The following UBASH3B variants were observed in gnomAD, a reference collection of about 807,000 sequenced individuals.
UBASH3B encodes the protein ubiquitin-associated and SH3 domain-containing protein B.
A neutral mutation model predicts 83.4 loss-of-function variants in UBASH3B; 37 were observed. That is an observed-to-expected ratio of 0.44 (90% CI 0.34 to 0.58). UBASH3B has a LOEUF of 0.58. UBASH3B is among the 20% of genes least tolerant of loss of function. The pLI, the probability that UBASH3B is intolerant of heterozygous loss-of-function variation, is 0.01. For missense variants in UBASH3B, 657 were observed against 827.2 expected (o/e 0.79, Z 2.52); for synonymous variants, 304 against 318.3 (o/e 0.96, Z 0.48).
chr11:122,660,597 G>A (rs1863426217), intron 1 of UBASH3B, among the ~76,000 whole-genome samples: 1 of 152,186 alleles, frequency 6.6e-6, no homozygotes, highest in Non-Finnish European at 1.5e-5. Flanking sequence ...CAGATCCGAT[G>A]TCAGAGCACT....
At chr11:122,727,329 T>C (rs1277529859) in intron 1 of UBASH3B, among the ~76,000 whole-genome samples, 1 of 152,222 alleles carries the variant, frequency 6.6e-6, no homozygotes, top group Non-Finnish European at 1.5e-5. Flanking sequence ...TTAGCTAGAA[T>C]TGCAAACTCC....
rs568752167 is a variant in UBASH3B, at chr11:122,810,068, G to GA, written c.*189dup. On this transcript the variant is annotated 3_prime_UTR_variant, in exon 14 of 14. Coordinates refer to ENST00000284273, the MANE Select transcript of UBASH3B (RefSeq NM_032873.5). Reference sequence around the variant, plus strand: ...AATGAGAGAAAGACTTGATTCAGAGGAAAAAAATGTGTTCTCTCTGGACTC... The same window carrying GA: ...AATGAGAGAAAGACTTGATTCAGAGGAAAAAAAATGTGTTCTCTCTGGACTC... 5.6e-5 allele frequency: 39 copies of GA among 697,166 alleles called. 1 individual carries two copies. The highest frequency in any genetic ancestry group is 1.3e-4 in the Admixed American group (4 of 30,698). 43.2% of individuals were successfully genotyped at this position (697,166 alleles called of 1,614,324 possible).
At chr11:122,739,867 TG>T (rs1860996822) in intron 1 of UBASH3B, among the ~76,000 whole-genome samples, 3 of 152,222 alleles carry the variant, frequency 2.0e-5, no homozygotes, top group Admixed American at 1.3e-4. Flanking sequence ...TTCAGACAGA[TG>T]GCACAGCCCT....
intron 1 of UBASH3B, among the ~76,000 whole-genome samples, chr11:122,769,639 A>G (rs902681308): frequency 6.6e-6 from 1 of 152,248 alleles, no homozygotes; most frequent in Admixed American, 6.5e-5. Flanking sequence ...TTCACAGAGC[A>G]CAACAAAAGG....
At chr11:122,683,733 T>TA (rs557668918) in intron 1 of UBASH3B, among the ~76,000 whole-genome samples, 2 of 132,310 alleles carry the variant, frequency 1.5e-5, no homozygotes, top group African/African-American at 2.8e-5. Flanking sequence ...GCCTTATAAT[T>TA]AAAAAAAAAT....
At chr11:122,784,114 G>T (rs1459940829) in intron 5 of UBASH3B, among the ~76,000 whole-genome samples, 1 of 151,956 alleles carries the variant, frequency 6.6e-6, no homozygotes, top group Non-Finnish European at 1.5e-5. Context: ...CTAATTTTTT[G>T]TATTTTTAGT....
intron 1 of UBASH3B, chr11:122,774,248 G>A (rs560041292): frequency 6.3e-5 from 62 of 985,458 alleles, no homozygotes; most frequent in Middle Eastern, 5.2e-4. Context: ...TTGCTTCTCC[G>A]TAACTTCATC....
chr11:122,675,646 AG>A (rs1272395504), intron 1 of UBASH3B, among the ~76,000 whole-genome samples: 1 of 152,204 alleles, frequency 6.6e-6, no homozygotes, highest in Admixed American at 6.5e-5. Context: ...CAAAGCTGCA[AG>A]GAGCACCTCT....
At chr11:122,771,232 C>CT (rs35821226) in intron 1 of UBASH3B, among the ~76,000 whole-genome samples, 74 of 135,548 alleles carry the variant, frequency 5.5e-4, no homozygotes, top group African/African-American at 1.4e-3. Flanking sequence ...TCTTACTTTG[C>CT]TTTTTTTTTT....
intron 1 of UBASH3B, among the ~76,000 whole-genome samples, chr11:122,685,035 G>A (rs1224086068): frequency 6.6e-6 from 1 of 152,108 alleles, no homozygotes; most frequent in East Asian, 1.9e-4. Context: ...CACGGGCCGC[G>A]GGTCTGAAAC....
intron 1 of UBASH3B, among the ~76,000 whole-genome samples, chr11:122,741,290 A>T (rs1861020231): frequency 6.6e-6 from 1 of 152,182 alleles, no homozygotes; most frequent in African/African-American, 2.4e-5. Context: ...AATTTTAAAA[A>T]TTTTCAATTG....
chr11:122,732,541 TC>T (rs1355065428), intron 1 of UBASH3B, among the ~76,000 whole-genome samples: 2 of 152,226 alleles, frequency 1.3e-5, no homozygotes, highest in Non-Finnish European at 2.9e-5. Context: ...CTGGACTTCA[TC>T]TTGCCTTAAG....
intron 1 of UBASH3B, among the ~76,000 whole-genome samples, chr11:122,726,967 C>T (rs896139994): frequency 7.9e-5 from 12 of 152,220 alleles, no homozygotes; most frequent in African/African-American, 2.9e-4. Flanking sequence ...TTGATGGTTT[C>T]TCAGCAAAAT....
chr11:122,728,205 A>G (rs1348798326), intron 1 of UBASH3B, among the ~76,000 whole-genome samples: 1 of 152,152 alleles, frequency 6.6e-6, no homozygotes, highest in Admixed American at 6.5e-5. Flanking sequence ...CTCCATGAGG[A>G]TGCAGAGTCG....
intron 1 of UBASH3B, among the ~76,000 whole-genome samples, chr11:122,668,440 C>A (rs1220985302): frequency 1.3e-5 from 2 of 152,288 alleles, no homozygotes; most frequent in East Asian, 3.9e-4. Context: ...CTGTAGAAGA[C>A]AAAGCTAACC....
In UBASH3B at chr11:122,708,491, A is replaced by T. The variant is rs1458971237; in HGVS notation, c.161+52281A>T. On this transcript the variant is annotated intron_variant, in intron 1 of 13. Coordinates refer to ENST00000284273, the MANE Select transcript of UBASH3B (RefSeq NM_032873.5). ...GTATTATTAGTAGAGACAGGGTTTCACCATGTTGGCCAGGCTGGTCTTGAA... is the reference window on the plus strand; with the variant it reads ...GTATTATTAGTAGAGACAGGGTTTCTCCATGTTGGCCAGGCTGGTCTTGAA... 2.0e-5 allele frequency among the ~76,000 whole-genome samples: 3 copies of T among 151,992 alleles called. No individual in the cohort carries two copies. In the South Asian group the frequency reaches 6.2e-4, roughly 32 times the overall value.
intron 1 of UBASH3B, among the ~76,000 whole-genome samples, chr11:122,719,788 C>T (rs1199584084): frequency 2.0e-5 from 3 of 152,218 alleles, no homozygotes; most frequent in Admixed American, 6.5e-5. Flanking sequence ...CCCAAAGCTG[C>T]TGTCATCAAG....
At chr11:122,688,646 T>TTTA (rs1315583263) in intron 1 of UBASH3B, among the ~76,000 whole-genome samples, 265 of 126,840 alleles carry the variant, frequency 2.1e-3, no homozygotes, top group South Asian at 7.8e-3. Flanking sequence ...TTTTATTTTA[T>TTTA]TTTATTTTAT....
At chr11:122,755,439 G>C (rs1376145778) in intron 1 of UBASH3B, among the ~76,000 whole-genome samples, 1 of 152,118 alleles carries the variant, frequency 6.6e-6, no homozygotes, top group East Asian at 1.9e-4. Flanking sequence ...TTGGCAAGCA[G>C]AGGGAACAAC....
Sources: gnomAD v4.1 joint callset for allele counts (sites outside exome capture counted in the v4.1 genomes callset) on GRCh38, gnomAD v4.1.1 for gene constraint, MANE v1.5 for transcripts, NCBI Gene and HGNC (gene_info 2026-07-23, HGNC 2026-07-21) for gene names.